The following EIPR1 variants were observed in gnomAD, a reference collection of about 807,000 sequenced individuals.
The protein encoded by EIPR1 is EARP complex and GARP complex interacting protein 1, also known as EARP and GARP complex-interacting protein 1.
Under a neutral mutation model 48.1 loss-of-function variants are expected in EIPR1, and 25 were observed. The ratio of observed to expected loss-of-function variants is 0.52; its 90% confidence interval spans 0.38 to 0.73. EIPR1 has a LOEUF of 0.73. Among genes scored for constraint, EIPR1 ranks in the 30% least tolerant of loss-of-function variants. The pLI is 0.00. For missense variants in EIPR1, 415 were observed against 506.2 expected, an observed-to-expected ratio of 0.82 and a Z score of 1.73; for synonymous variants, 204 against 201.9, an observed-to-expected ratio of 1.01 and a Z score of -0.09.
chr2:3,377,674 G>A lies in EIPR1; in HGVS notation c.16C>T (p.Pro6Ser), dbSNP rs752907532. The A allele has an allele frequency of 3.8e-6, 6 of 1,582,440 alleles. No individual in the cohort carries two copies. Among genetic ancestry groups the A allele is most frequent in the Non-Finnish European group, 5.2e-6 (6 of 1,163,900 alleles). MEDDA[P>S]VIYGLEFQAR... The stretch of plus-strand genomic sequence containing the variant: ...TGGAACTCCAGCCCGTAGATCACTG[G>A]TGCATCGTCCTCCATGCTGCGGGGA... Residue 6 changes from proline to serine, a missense_variant, in exon 1 of 9, where the codon CCA (proline) becomes TCA (serine). Pro to Ser is a moderately conservative substitution (Grantham distance 74, BLOSUM62 -1). Coordinates refer to ENST00000382125, the MANE Select transcript of EIPR1 (RefSeq NM_003310.5).
intron 3 of EIPR1, among the ~76,000 whole-genome samples, chr2:3,326,354 A>T (rs1346634672): frequency 6.6e-6 from 1 of 152,148 alleles, no homozygotes; most frequent in African/African-American, 2.4e-5. Flanking sequence ...CAGAGGGAAA[A>T]GCAGAGAGTC....
intron 1 of EIPR1, 156 bp downstream of exon 1, chr2:3,377,491 TA>T: frequency 3.1e-6 from 3 of 968,722 alleles, no homozygotes; most frequent in Non-Finnish European, 4.5e-6. Flanking sequence ...TTTAACCTCC[TA>T]AAGCCTCAGT....
At chr2:3,369,565 A>G (rs1305773097) in intron 1 of EIPR1, among the ~76,000 whole-genome samples, 2 of 152,218 alleles carry the variant, frequency 1.3e-5, no homozygotes, top group Non-Finnish European at 2.9e-5. Context: ...CTTAGGAAAC[A>G]GCGCACCAGG....
At chr2:3,311,804 C>G (rs1669138405) in intron 3 of EIPR1, among the ~76,000 whole-genome samples, 1 of 107,978 alleles carries the variant, frequency 9.3e-6, no homozygotes, top group Admixed American at 9.9e-5. Context: ...TCGCGGGGTG[C>G]TGGGCGGGGG....
intron 1 of EIPR1, among the ~76,000 whole-genome samples, chr2:3,364,450 T>A (rs565860052): frequency 1.3e-5 from 2 of 151,794 alleles, no homozygotes; most frequent in African/African-American, 4.8e-5. Flanking sequence ...GGCAACATGA[T>A]GAAATCCCAT....
chr2:3,323,890 G>A (rs6716522), intron 3 of EIPR1, among the ~76,000 whole-genome samples: 27,234 of 152,182 alleles, frequency 0.18, 4,159 homozygotes, highest in East Asian at 0.57. Flanking sequence ...CCCTGCTGGC[G>A]GAGGCAGGGG....
At chr2:3,318,294 C>T (rs1474758792) in intron 3 of EIPR1, among the ~76,000 whole-genome samples, 1 of 152,192 alleles carries the variant, frequency 6.6e-6, no homozygotes, top group African/African-American at 2.4e-5. Flanking sequence ...CCCTCGTGGG[C>T]TGAAACCTGG....
At chr2:3,364,847 T>G (rs1670935848) in intron 1 of EIPR1, among the ~76,000 whole-genome samples, 2 of 152,032 alleles carry the variant, frequency 1.3e-5, no homozygotes, top group African/African-American at 4.8e-5. Flanking sequence ...GTGGCTTGGA[T>G]GAAGAAAAGT....
chr2:3,277,790 G>C (rs1304261529), intron 3 of EIPR1, among the ~76,000 whole-genome samples: 3 of 152,180 alleles, frequency 2.0e-5, no homozygotes, highest in Admixed American at 2.0e-4. Context: ...TGACTGCTGC[G>C]AACATTGCTG....
intron 2 of EIPR1, among the ~76,000 whole-genome samples, chr2:3,339,818 C>T (rs1197847905): frequency 6.6e-6 from 1 of 152,168 alleles, no homozygotes; most frequent in Non-Finnish European, 1.5e-5. Context: ...GGCGTGGTGG[C>T]GGGCACCTGT....
At chr2:3,267,049 G>A (rs537723012) in intron 3 of EIPR1, among the ~76,000 whole-genome samples, 23 of 152,314 alleles carry the variant, frequency 1.5e-4, no homozygotes, top group Non-Finnish European at 2.9e-4. Flanking sequence ...CTGAATCAAT[G>A]CCAGTCCTAC....
At chr2:3,323,982 T>C (rs889297145) in intron 3 of EIPR1, among the ~76,000 whole-genome samples, 5 of 152,080 alleles carry the variant, frequency 3.3e-5, no homozygotes, top group African/African-American at 7.2e-5. Context: ...GGCCCAGACA[T>C]GTAGGAAAAC....
chr2:3,211,796 G>C (rs1006564566), intron 5 of EIPR1, among the ~76,000 whole-genome samples: 1 of 152,136 alleles, frequency 6.6e-6, no homozygotes, highest in Non-Finnish European at 1.5e-5. Flanking sequence ...CGCCACTGTC[G>C]GCTCCTTGAC....
Position 3,325,082 on chromosome 2 carries a change from G to C in EIPR1, c.259+12935C>G, listed in dbSNP as rs373587459. Among the ~76,000 whole-genome samples the C allele has an allele frequency of 2.3e-4, 35 of 152,342 alleles. No homozygotes were observed. In the East Asian group the frequency reaches 4.8e-3, roughly 21 times the overall value. On this transcript the variant is annotated intron_variant, in intron 3 of 8. Coordinates refer to ENST00000382125, the MANE Select transcript of EIPR1 (RefSeq NM_003310.5). The stretch of plus-strand genomic sequence containing the variant: ...CATAAGCAACCCTGCCTAGTGACCT[G>C]CTAGAGCACTGCCCCTCTCTGGTTC...
At position 3,217,417 on chromosome 2, in the gene EIPR1, AG is replaced by A. The variant is rs534578279; in HGVS notation, c.417-3170del. The stretch of plus-strand genomic sequence containing the variant: ...GAAAGGTTTTCATCTAAATGTTTTA[AG>A]TTTGATGTTTAACTTCAATAAACAT... On this transcript the variant is annotated intron_variant, in intron 4 of 8. Transcript: ENST00000382125. Among the ~76,000 whole-genome samples the A allele has an allele frequency of 9.6e-4, 147 of 152,354 alleles. 1 individual carries two copies. Among genetic ancestry groups the A allele is most frequent in the African/African-American group, 3.4e-3 (141 of 41,586 alleles).
chr2:3,216,514 GGAT>G (rs67476520), intron 4 of EIPR1, among the ~76,000 whole-genome samples: 138,472 of 151,998 alleles, frequency 0.91, 63,423 homozygotes, highest in Non-Finnish European at 0.96. Context: ...ACACATCACA[GGAT>G]GAGAACTAGC....
chr2:3,317,515 A>C (rs1669349013), intron 3 of EIPR1, among the ~76,000 whole-genome samples: 1 of 152,264 alleles, frequency 6.6e-6, no homozygotes, highest in South Asian at 2.1e-4. Flanking sequence ...CCGGGAGCGC[A>C]TGAGGCGCTG....
chr2:3,372,021 T>C (rs1671129136), intron 1 of EIPR1, among the ~76,000 whole-genome samples: 1 of 151,888 alleles, frequency 6.6e-6, no homozygotes, highest in Admixed American at 6.6e-5. Context: ...ACAGAAATTA[T>C]AACAAACTAT....
intron 5 of EIPR1, among the ~76,000 whole-genome samples, chr2:3,200,825 C>T (rs767697000): frequency 6.4e-4 from 97 of 152,286 alleles, no homozygotes; most frequent in Non-Finnish European, 1.2e-3. Context: ...GGGCTGGAAC[C>T]AAGCACTGAA....
Sources: gnomAD v4.1 joint callset for allele counts (sites outside exome capture counted in the v4.1 genomes callset) on GRCh38, gnomAD v4.1.1 for gene constraint, MANE v1.5 for transcripts, NCBI Gene and HGNC (gene_info 2026-07-23, HGNC 2026-07-21) for gene names.